The following NELL1 variants were observed in gnomAD, a reference collection of about 807,000 sequenced individuals.
NELL1 encodes neural EGFL like 1.
Under a neutral mutation model 107.4 loss-of-function variants are expected in NELL1, and 76 were observed. The ratio of observed to expected loss-of-function variants is 0.71; its 90% CI spans 0.59 to 0.86. The LOEUF (loss-of-function observed/expected upper bound fraction) is 0.86, where lower values mean the gene tolerates loss of function less well. NELL1 is among the 40% of genes least tolerant of loss of function. The probability of loss-of-function intolerance (pLI) is 0.00; values close to 1 mark genes in which losing one functional copy is unlikely to be tolerated. For synonymous variants in NELL1, 353 were observed against 341.2 expected (o/e 1.03, Z -0.38); for missense variants, 1,024 against 1,005.5 (o/e 1.02, Z -0.25).
chr11:20,746,988 G>A (rs558265558), intron 2 of NELL1, among the ~76,000 whole-genome samples: 1 of 152,238 alleles, frequency 6.6e-6, no homozygotes, highest in African/African-American at 2.4e-5. Context: ...GTCCCTGGTG[G>A]TGACTGCAGT....
rs1854686528 is a variant in NELL1, at chr11:20,698,688, G to GAAAAAAC, written c.184+20628_184+20629insAAAAAAC. ...GTTTTTGGGGAACAGGTGGTTTTTG[G>GAAAAAAC]TTACATGGATAAGTTATTTAGTGGT... On this transcript the variant is annotated intron_variant, in intron 2 of 19. Transcript: ENST00000357134. Among the ~76,000 whole-genome samples the GAAAAAAC allele has an allele frequency of 2.0e-5, 3 of 152,164 alleles. No individual in the cohort carries two copies. The South Asian group carries it at 6.2e-4, about 32-fold the overall frequency.
At position 21,227,858 on chromosome 11, in the gene NELL1, T is replaced by TTG. The variant is rs904541515; in HGVS notation, c.1427-1463_1427-1462dup. Among the ~76,000 whole-genome samples the TTG allele has an allele frequency of 2.6e-5, 4 of 152,172 alleles. No individual in the cohort carries two copies. The East Asian group carries it at 5.8e-4, about 22-fold the overall frequency. On this transcript the variant is annotated intron_variant, in intron 13 of 19. Coordinates refer to ENST00000357134, the MANE Select transcript of NELL1 (RefSeq NM_006157.5). Reference sequence around the variant, plus strand: ...GATGCATGTGTGTGCCCTACCTCTGTTGTGTGTGTGTGATGAAAACAGTCC... The same window carrying TTG: ...GATGCATGTGTGTGCCCTACCTCTGTTGTGTGTGTGTGTGATGAAAACAGTCC...
chr11:21,008,404 C>A (rs1852375451), intron 12 of NELL1, among the ~76,000 whole-genome samples: 1 of 152,044 alleles, frequency 6.6e-6, no homozygotes, highest in Non-Finnish European at 1.5e-5. Flanking sequence ...CTGCATGATT[C>A]TAAGTAAAGG....
intron 12 of NELL1, among the ~76,000 whole-genome samples, chr11:21,031,675 AT>A (rs146789961): frequency 0.021 from 3,215 of 151,742 alleles, 47 homozygotes; most frequent in Non-Finnish European, 0.03. Context: ...AGTGTAGCAG[AT>A]TTTTTTTTAA....
At chr11:21,526,778 T>C (rs939659979) in intron 15 of NELL1, among the ~76,000 whole-genome samples, 2 of 152,144 alleles carry the variant, frequency 1.3e-5, no homozygotes, top group Admixed American at 1.3e-4. Flanking sequence ...ATACAGCAGC[T>C]GGGATGCAGG....
intron 2 of NELL1, among the ~76,000 whole-genome samples, chr11:20,687,194 G>C (rs1396469273): frequency 6.6e-6 from 1 of 151,684 alleles, no homozygotes. Context: ...TTCTTTTAGT[G>C]AGATTTTTTC....
chr11:21,145,788 A>G (rs1285444535), intron 13 of NELL1, among the ~76,000 whole-genome samples: 1 of 152,240 alleles, frequency 6.6e-6, no homozygotes, highest in African/African-American at 2.4e-5. Context: ...GTCGTGGGCC[A>G]GAAGTACCAG....
intron 12 of NELL1, among the ~76,000 whole-genome samples, chr11:21,021,383 G>A (rs1328228619): frequency 6.6e-6 from 1 of 151,952 alleles, no homozygotes; most frequent in Non-Finnish European, 1.5e-5. Context: ...AATTAACTAT[G>A]GCCCATAGAG....
chr11:20,902,975 T>A lies in NELL1; in HGVS notation c.604-15207T>A, dbSNP rs556763254. On this transcript the variant is annotated intron_variant, in intron 5 of 19. Transcript: ENST00000357134. ...GTGATAAACACTAAATTTAGAATAG[T>A]TTACTTCTGAGAGGAGGAAATGGGA... is the stretch of plus-strand genomic sequence containing the variant. Among the ~76,000 whole-genome samples the A allele has an allele frequency of 3.3e-5, 5 of 152,106 alleles. No individual in the cohort carries two copies. The South Asian group carries it at 1.0e-3, about 32-fold the overall frequency.
intron 12 of NELL1, among the ~76,000 whole-genome samples, chr11:20,965,042 T>C (rs918401570): frequency 6.6e-6 from 1 of 152,166 alleles, no homozygotes; most frequent in African/African-American, 2.4e-5. Context: ...CCTGAATTAA[T>C]GGATCCAACT....
chr11:21,266,112 C>T (rs1415732346), intron 14 of NELL1, among the ~76,000 whole-genome samples: 2 of 151,992 alleles, frequency 1.3e-5, no homozygotes, highest in African/African-American at 2.4e-5. Context: ...GCAGTCAGTT[C>T]ATCTATGCAC....
intron 12 of NELL1, among the ~76,000 whole-genome samples, chr11:21,040,953 A>C (rs568119751): frequency 6.6e-6 from 1 of 152,198 alleles, no homozygotes; most frequent in Non-Finnish European, 1.5e-5. Flanking sequence ...TCCTTGCTTT[A>C]AAAGCAATGT....
intron 13 of NELL1, among the ~76,000 whole-genome samples, chr11:21,190,637 G>A (rs1857030179): frequency 1.3e-5 from 2 of 151,936 alleles, no homozygotes; most frequent in South Asian, 4.1e-4. Context: ...AGGCATAAGT[G>A]ATCAGATATT....
intron 15 of NELL1, among the ~76,000 whole-genome samples, chr11:21,443,323 T>A (rs1169445066): frequency 6.6e-6 from 1 of 152,166 alleles, no homozygotes; most frequent in Non-Finnish European, 1.5e-5. Flanking sequence ...CCACCTCTGT[T>A]GCATTGAGGA....
At chr11:20,945,872 T>A (rs1298145341) in intron 10 of NELL1, among the ~76,000 whole-genome samples, 1 of 152,184 alleles carries the variant, frequency 6.6e-6, no homozygotes, top group Non-Finnish European at 1.5e-5. Context: ...CAGGATCGAT[T>A]CTCAGGTCTT....
At chr11:21,032,894 A>C (rs138450674) in intron 12 of NELL1, among the ~76,000 whole-genome samples, 217 of 152,248 alleles carry the variant, frequency 1.4e-3, no homozygotes, top group Middle Eastern at 0.01. Context: ...CTTTCCTTTG[A>C]TATAACTGTT....
chr11:21,559,516 A>G (rs1051588519), intron 16 of NELL1, among the ~76,000 whole-genome samples: 5 of 152,082 alleles, frequency 3.3e-5, no homozygotes, highest in African/African-American at 1.2e-4. Flanking sequence ...GAGCAGGACA[A>G]TATATTTATG....
intron 2 of NELL1, among the ~76,000 whole-genome samples, chr11:20,697,046 C>A (rs1854636459): frequency 6.6e-6 from 1 of 152,132 alleles, no homozygotes; most frequent in South Asian, 2.1e-4. Context: ...TTTCAGTTCA[C>A]TATGTATAGA....
intron 12 of NELL1, among the ~76,000 whole-genome samples, chr11:21,038,059 T>TA (rs1267165863): frequency 6.6e-6 from 1 of 152,164 alleles, no homozygotes; most frequent in African/African-American, 2.4e-5. Context: ...TGAAACATGA[T>TA]ACTATGTATT....
Sources: gnomAD v4.1 joint callset for allele counts (sites outside exome capture counted in the v4.1 genomes callset) on GRCh38, gnomAD v4.1.1 for gene constraint, MANE v1.5 for transcripts, NCBI Gene and HGNC (gene_info 2026-07-23, HGNC 2026-07-21) for gene names.